FREM2: variants seen among roughly 807,000 people sequenced by gnomAD.
FREM2 encodes the protein FRAS1 related extracellular matrix 2, also known as FRAS1-related extracellular matrix protein 2.
Under a neutral mutation model 219.9 loss-of-function variants are expected in FREM2, and 119 were observed. The ratio of observed to expected loss-of-function variants is 0.54; its 90% confidence interval spans 0.47 to 0.63. FREM2 has a LOEUF of 0.63. Among genes scored for constraint, FREM2 ranks in the 30% least tolerant of loss-of-function variants. The pLI is 0.00. For synonymous variants in FREM2, 1,562 were observed against 1,522.8 expected (o/e 1.03, Z -0.60); for missense variants, 4,030 against 3,993.6 (o/e 1.01, Z -0.25).
At chr13:38,699,277 C>G (rs1002181645) in intron 2 of FREM2, among the ~76,000 whole-genome samples, 1 of 152,044 alleles carries the variant, frequency 6.6e-6, no homozygotes, top group Non-Finnish European at 1.5e-5. Flanking sequence ...CTAAAATATT[C>G]TATACTTTTT....
intron 6 of FREM2, among the ~76,000 whole-genome samples, chr13:38,813,553 CTCTCTCTCTCTATATATATA>C (rs1253058734): frequency 6.9e-5 from 2 of 29,048 alleles, no homozygotes; most frequent in African/African-American, 3.6e-4. Flanking sequence ...CTCTCTCTCT[CTCTCTCTCTCTATATATATA>C]TATATATATA....
At chr13:38,848,399 GT>G in intron 7 of FREM2, 61 bp from the exon 8 acceptor site, 1 of 1,087,962 alleles carries the variant, frequency 9.2e-7, no homozygotes, top group Admixed American at 1.7e-5. Flanking sequence ...CATAATTTAT[GT>G]CTTATAATTT....
intron 6 of FREM2, among the ~76,000 whole-genome samples, chr13:38,837,121 A>G (rs1876744165): frequency 6.6e-6 from 1 of 152,172 alleles, no homozygotes; most frequent in Admixed American, 6.5e-5. Flanking sequence ...TCTGTGTCCC[A>G]TAGATTCTGG....
intron 4 of FREM2, among the ~76,000 whole-genome samples, chr13:38,777,127 A>G (rs1873905178): frequency 6.6e-6 from 1 of 152,026 alleles, no homozygotes. Context: ...CATATTGTAC[A>G]TATATTATAA....
chr13:38,878,707 A>T, intron 22 of FREM2, 124 bp from the exon 23 acceptor site: 1 of 1,019,740 alleles, frequency 9.8e-7, no homozygotes, highest in Non-Finnish European at 1.5e-6. Context: ...GATCATTTTT[A>T]GTAAACCAAA....
At position 38,850,206 on chromosome 13, in the gene FREM2, C is replaced by G. The variant is rs1364830310; in HGVS notation, c.6548C>G (p.Thr2183Ser). The G allele has an allele frequency of 6.2e-7, 1 of 1,613,946 alleles. No homozygotes were observed. The highest frequency in any genetic ancestry group is 1.1e-5 in the South Asian group (1 of 91,086). Residue 2183 changes from threonine to serine, a missense_variant, in exon 9 of 24, where the codon ACT becomes AGT. Coordinates refer to ENST00000280481, the MANE Select transcript of FREM2 (RefSeq NM_207361.6). ...ATGGACTTTGAAGAACGCCCAAACA[C>G]TGATACCTCCATCATCACATTCCTC... ...VMMDFEERPN[T>S]DTSIITFLPG...
intron 1 of FREM2, 152 bp downstream of exon 1, chr13:38,692,669 GA>G (rs1869945730): frequency 3.4e-6 from 3 of 888,018 alleles, no homozygotes; most frequent in Non-Finnish European, 5.4e-6. Context: ...TTCCTAGGAG[GA>G]CAGCTCCCTT....
rs1869697253 is a variant in FREM2 at position 38,689,431 on chromosome 13, T to C, written c.2087T>C (p.Val696Ala). The C allele has an allele frequency of 8.7e-6, 14 of 1,614,056 alleles. No individual in the cohort carries two copies. The highest frequency in any genetic ancestry group is 1.2e-5 in the Non-Finnish European group (14 of 1,179,988). The change falls in exon 1 of 24, where the codon GTG (valine) becomes GCG (alanine). Residue 696 changes from valine (V) to alanine (A), a missense_variant. Val to Ala is a moderately conservative substitution (Grantham distance 64). Transcript: ENST00000280481. ...CGGTTTGTGATTCGTATCCATCCTG[T>C]GGATCGCCTCCCTCCGGAGCTGGGC... The part of the protein sequence containing the change: ...LQRFVIRIHP[V>A]DRLPPELGSG...
chr13:38,869,206 C>T (rs1309640056), intron 16 of FREM2, among the ~76,000 whole-genome samples: 1 of 152,160 alleles, frequency 6.6e-6, no homozygotes, highest in African/African-American at 2.4e-5. Flanking sequence ...ATTGCCAAGT[C>T]CCTGCATTTT....
In FREM2 at chr13:38,880,469, G is replaced by A. The variant is rs910368567; in HGVS notation, c.9192G>A (p.Glu3064=). 9 of 1,613,988 alleles carry A rather than the reference G, an allele frequency of 5.6e-6. No homozygotes were observed. The highest frequency in any genetic ancestry group is 4.0e-5 in the African/African-American group (3 of 74,898). Residue 3064 remains glutamate, a synonymous_variant, in exon 24 of 24, where the codon GAG becomes GAA. Coordinates refer to ENST00000280481, the MANE Select transcript of FREM2 (RefSeq NM_207361.6). ...EIRSTPSLAW[E]IGAENSRGTN... ...GGAGCACACCCTCACTGGCATGGGAGATTGGTGCTGAAAACAGTCGAGGAA... is the reference window on the plus strand; with the variant it reads ...GGAGCACACCCTCACTGGCATGGGAAATTGGTGCTGAAAACAGTCGAGGAA...
rs772742256 is a variant in FREM2, at chr13:38,688,742, A to G, written c.1398A>G (p.Gln466=). The G allele has an allele frequency of 1.2e-6, 2 of 1,613,930 alleles. No individual in the cohort carries two copies. Among genetic ancestry groups the G allele is most frequent in the Non-Finnish European group, 1.7e-6 (2 of 1,179,948 alleles). ...PLTGPAGSGP[Q]NLVISDEDDL... is the part of the protein sequence containing the mutation. ...CAGGCCCTGCAGGCAGTGGTCCGCAAAACTTGGTCATCAGCGATGAGGATG... is the reference window on the plus strand; with the variant it reads ...CAGGCCCTGCAGGCAGTGGTCCGCAGAACTTGGTCATCAGCGATGAGGATG... The change falls in exon 1 of 24, where the codon CAA becomes CAG. Residue 466 remains glutamine, a synonymous_variant. Transcript: ENST00000280481.
chr13:38,763,342 ATT>A (rs138227046), intron 2 of FREM2, among the ~76,000 whole-genome samples: 341 of 145,620 alleles, frequency 2.3e-3, no homozygotes, highest in Non-Finnish European at 4.0e-3. Context: ...CCTTGTGTAG[ATT>A]TTTTTTTTGT....
At chr13:38,841,416 A>C (rs941439969) in intron 6 of FREM2, among the ~76,000 whole-genome samples, 2 of 152,098 alleles carry the variant, frequency 1.3e-5, no homozygotes, top group African/African-American at 4.8e-5. Context: ...TTAACAAACA[A>C]ACACAGGTGC....
At chr13:38,812,650 G>A (rs1875537421) in intron 6 of FREM2, among the ~76,000 whole-genome samples, 1 of 152,188 alleles carries the variant, frequency 6.6e-6, no homozygotes, top group East Asian at 1.9e-4. Flanking sequence ...GGAGGCTAAG[G>A]CAGGCAGTTC....
At position 38,692,254 on chromosome 13, in the gene FREM2, A is replaced by G. The variant is rs531905447; in HGVS notation, c.4910A>G (p.Glu1637Gly). Residue 1637 changes from glutamate (E) to glycine (G), a missense_variant, in exon 1 of 24, where the codon GAA becomes GGA. By Grantham distance (98) the Glu-to-Gly change is moderately conservative. Coordinates refer to ENST00000280481, the MANE Select transcript of FREM2 (RefSeq NM_207361.6). ...TATGTTTTTCCTGATACGGTGTTTG[A>G]AACAAGGAGACCCCAAGTGATGAAG... ...DFYVFPDTVF[E>G]TRRPQVMKIQ... 240 of 1,614,124 alleles carry G rather than the reference A, an allele frequency of 1.5e-4. 2 individuals carry two copies. The South Asian group carries it at 2.5e-3, about 17-fold the overall frequency.
In FREM2 at chr13:38,884,156, T is replaced by C. The variant is rs1201219749; in HGVS notation, c.*3369T>C. ...AGCATCCTGCTGCCAAGCCACTGCA[T>C]AGCATTTGTGATAAGAAGGACCAAC... On this transcript the variant is annotated 3_prime_UTR_variant, in exon 24 of 24. Transcript: ENST00000280481. 6.6e-6 allele frequency: 1 copy of C among 152,196 alleles called. No individual in the cohort carries two copies. The highest frequency in any genetic ancestry group is 1.5e-5 in the Non-Finnish European group (1 of 68,030). 9.4% of individuals were successfully genotyped at this position (152,196 alleles called of 1,614,324 possible).
At chr13:38,805,610 A>G (rs1399676251) in intron 6 of FREM2, among the ~76,000 whole-genome samples, 1 of 151,982 alleles carries the variant, frequency 6.6e-6, no homozygotes, top group Non-Finnish European at 1.5e-5. Flanking sequence ...GGTAGATGAC[A>G]TCTACAAGAA....
chr13:38,709,722 A>G (rs913732231), intron 2 of FREM2, among the ~76,000 whole-genome samples: 1 of 152,106 alleles, frequency 6.6e-6, no homozygotes, highest in African/African-American at 2.4e-5. Flanking sequence ...TGGCTTTCAC[A>G]AGCTGAAGGG....
chr13:38,787,284 A>C (rs1874368124), intron 6 of FREM2, among the ~76,000 whole-genome samples: 2 of 152,126 alleles, frequency 1.3e-5, no homozygotes, highest in African/African-American at 4.8e-5. Flanking sequence ...CTATTCAATA[A>C]ATCAAAAGTC....
Sources: gnomAD v4.1 joint callset for allele counts (sites outside exome capture counted in the v4.1 genomes callset) on GRCh38, gnomAD v4.1.1 for gene constraint, MANE v1.5 for transcripts, NCBI Gene and HGNC (gene_info 2026-07-23, HGNC 2026-07-21) for gene names.